The following GFOD1 variants were observed in gnomAD, a reference collection of about 807,000 sequenced individuals.
GFOD1 encodes the protein Gfo/Idh/MocA-like oxidoreductase domain containing 1.
Under a neutral mutation model 25.4 loss-of-function variants are expected in GFOD1, and 9 were observed. The observed-to-expected ratio is 0.35, with a 90% CI of 0.21 to 0.62. The LOEUF (loss-of-function observed/expected upper bound fraction) is 0.62. Among genes scored for constraint, GFOD1 ranks in the 20% least tolerant of loss-of-function variants. The probability of loss-of-function intolerance (pLI) is 0.72; values close to 1 mark genes in which losing one functional copy is unlikely to be tolerated. For missense variants in GFOD1, 403 were observed against 556.9 expected (o/e 0.72, Z 2.78); for synonymous variants, 253 against 245.6 (o/e 1.03, Z -0.28).
intron 1 of GFOD1, among the ~76,000 whole-genome samples, chr6:13,383,674 C>G (rs1415960727): frequency 2.6e-5 from 4 of 152,300 alleles, no homozygotes; most frequent in African/African-American, 9.6e-5. Flanking sequence ...CCTTGGGTTT[C>G]TATGTAAGCA....
chr6:13,363,154 T>C lies in GFOD1; in HGVS notation c.*1589A>G, dbSNP rs1784972125. 6.6e-6 allele frequency: 1 copy of C among 152,248 alleles called. No homozygotes were observed. The highest frequency in any genetic ancestry group is 2.4e-5 in the African/African-American group (1 of 41,454). 9.4% of individuals were successfully genotyped at this position (152,248 alleles called of 1,614,324 possible). On this transcript the variant is annotated 3_prime_UTR_variant, in exon 2 of 2. Coordinates refer to ENST00000379287, the MANE Select transcript of GFOD1 (RefSeq NM_018988.4). ...ATTGGCTCTTTCTTTCAAGACCAGA[T>C]CTGAATTTTTAAAGAATGGTTTCAG...
At chr6:13,453,255 A>G (rs1374991795) in intron 1 of GFOD1, among the ~76,000 whole-genome samples, 1 of 152,192 alleles carries the variant, frequency 6.6e-6, no homozygotes, top group Non-Finnish European at 1.5e-5. Flanking sequence ...CATTTTGAAG[A>G]ACGCCTGTTA....
chr6:13,415,942 C>T (rs1270484164), intron 1 of GFOD1, among the ~76,000 whole-genome samples: 1 of 152,190 alleles, frequency 6.6e-6, no homozygotes, highest in Non-Finnish European at 1.5e-5. Context: ...AATTTAGGGT[C>T]TAGTTGGGGA....
rs1785019277 is a variant in GFOD1 at position 13,365,229 on chromosome 6, G to A, written c.687C>T (p.Gly229=). 1 of 1,614,080 alleles carries A rather than the reference G, an allele frequency of 6.2e-7. No individual in the cohort carries two copies. Among genetic ancestry groups the A allele is most frequent in the Middle Eastern group, 1.6e-4 (1 of 6,062 alleles). ...TGAGGGTGACGGTGCAGCACACCCC[G>A]CCCTCCAGCACCATCTGGAAGGTGC... ...DFCTFQMVLE[G]GVCCTVTLNF... is the part of the protein sequence containing the mutation. Residue 229 remains glycine (G), a synonymous_variant, in exon 2 of 2, where the codon GGC becomes GGT. Transcript: ENST00000379287. The surrounding 1 kb of genome is among the most constrained non-coding windows in gnomAD (Gnocchi z 9.2).
chr6:13,415,457 G>A (rs1041869517), intron 1 of GFOD1, among the ~76,000 whole-genome samples: 15 of 152,246 alleles, frequency 9.9e-5, no homozygotes, highest in Admixed American at 5.2e-4. Context: ...TGGCCTCTCC[G>A]GCTCAGAACA....
chr6:13,401,305 C>T (rs749560891), intron 1 of GFOD1, among the ~76,000 whole-genome samples: 5 of 151,944 alleles, frequency 3.3e-5, no homozygotes, highest in African/African-American at 9.7e-5. Context: ...AACCATGAGA[C>T]GACATTTTAT....
intron 1 of GFOD1, among the ~76,000 whole-genome samples, chr6:13,433,801 C>T (rs1429436959): frequency 2.6e-5 from 4 of 152,140 alleles, no homozygotes; most frequent in Non-Finnish European, 5.9e-5. Flanking sequence ...AGAATGCCTA[C>T]AACTTCCTCT....
chr6:13,432,939 T>C (rs1328309515), intron 1 of GFOD1, among the ~76,000 whole-genome samples: 2 of 152,208 alleles, frequency 1.3e-5, no homozygotes, highest in African/African-American at 4.8e-5. Flanking sequence ...TCCTCTCCTA[T>C]ATCTCTGGTC....
At chr6:13,412,205 AT>A (rs1405595463) in intron 1 of GFOD1, among the ~76,000 whole-genome samples, 1 of 152,216 alleles carries the variant, frequency 6.6e-6, no homozygotes, top group Non-Finnish European at 1.5e-5. Context: ...GAATGTGACT[AT>A]ATTTGGAGAC....
chr6:13,472,514 C>T (rs1758531682), intron 1 of GFOD1, among the ~76,000 whole-genome samples: 1 of 152,170 alleles, frequency 6.6e-6, no homozygotes, highest in Admixed American at 6.5e-5. Flanking sequence ...GAGATGGGTA[C>T]TTTTATTATC....
intron 1 of GFOD1, among the ~76,000 whole-genome samples, chr6:13,474,164 A>T (rs9474289): frequency 6.6e-6 from 1 of 152,092 alleles, no homozygotes; most frequent in Non-Finnish European, 1.5e-5. Context: ...TGGATCGCCT[A>T]AGGTCAGGAG....
chr6:13,450,091 A>G (rs906311142), intron 1 of GFOD1, among the ~76,000 whole-genome samples: 1 of 152,102 alleles, frequency 6.6e-6, no homozygotes, highest in African/African-American at 2.4e-5. Flanking sequence ...TGTTCCTGAG[A>G]ATTTCCTCCA....
At chr6:13,479,701 C>T (rs59330070) in intron 1 of GFOD1, among the ~76,000 whole-genome samples, 1 of 152,080 alleles carries the variant, frequency 6.6e-6, no homozygotes, top group Non-Finnish European at 1.5e-5. Flanking sequence ...GCCAGATATC[C>T]TCAACAAAAT....
chr6:13,459,096 TC>T (rs1758244810), intron 1 of GFOD1, among the ~76,000 whole-genome samples: 3 of 152,162 alleles, frequency 2.0e-5, no homozygotes, highest in African/African-American at 7.2e-5. Context: ...AGGGCTCTGC[TC>T]TGATGAGTGG....
chr6:13,373,403 C>T (rs1785187959), intron 1 of GFOD1, among the ~76,000 whole-genome samples: 1 of 152,130 alleles, frequency 6.6e-6, no homozygotes, highest in South Asian at 2.1e-4. Flanking sequence ...ACTGCTAATA[C>T]TGGACTGTTT....
At chr6:13,486,569 G>T (rs561922307) in intron 1 of GFOD1, 69 bp downstream of exon 1, 60 of 1,328,022 alleles carry the variant, frequency 4.5e-5, no homozygotes, top group East Asian at 1.4e-4. Flanking sequence ...GGAAAGGCAG[G>T]GGGGAAGGAA....
chr6:13,459,340 T>C (rs1436471927), intron 1 of GFOD1, among the ~76,000 whole-genome samples: 3 of 113,434 alleles, frequency 2.6e-5, no homozygotes, highest in Non-Finnish European at 4.0e-5. Flanking sequence ...TCCTTACACC[T>C]TATACAAAAA....
chr6:13,404,809 T>C (rs1428436983), intron 1 of GFOD1, among the ~76,000 whole-genome samples: 2 of 152,250 alleles, frequency 1.3e-5, no homozygotes, highest in African/African-American at 2.4e-5. Context: ...GGATCGGCCA[T>C]GTAAAATAGT....
intron 1 of GFOD1, among the ~76,000 whole-genome samples, chr6:13,386,735 G>C (rs1288057864): frequency 6.6e-6 from 1 of 152,048 alleles, no homozygotes; most frequent in African/African-American, 2.4e-5. Flanking sequence ...TGCACCCCTG[G>C]TCTCGTGTCC....
Sources: gnomAD v4.1 joint callset for allele counts (sites outside exome capture counted in the v4.1 genomes callset) on GRCh38, gnomAD v4.1.1 for gene constraint, Gnocchi (gnomAD v3.1) non-coding constraint, MANE v1.5 for transcripts, NCBI Gene and HGNC (gene_info 2026-07-23, HGNC 2026-07-21) for gene names.